Variants in MSI2 observed in about 807,000 individuals in gnomAD.
MSI2 encodes the protein musashi RNA binding protein 2, also known as RNA-binding protein Musashi homolog 2.
MSI2 carries 17 observed loss-of-function variants against 45.6 expected under a neutral mutation model. That is an observed-to-expected ratio of 0.37 (90% CI 0.26 to 0.56). MSI2 has a LOEUF of 0.56. Among genes scored for constraint, MSI2 ranks in the 20% least tolerant of loss-of-function variants. The pLI, the probability that MSI2 is intolerant of heterozygous loss-of-function variation, is 0.77. For synonymous variants in MSI2, 156 were observed against 158.2 expected (o/e 0.99, Z 0.11); for missense variants, 293 against 444.2 (o/e 0.66, Z 3.06).
At chr17:57,340,713 A>T (rs1234251205) in intron 5 of MSI2, among the ~76,000 whole-genome samples, 1 of 152,096 alleles carries the variant, frequency 6.6e-6, no homozygotes, top group Non-Finnish European at 1.5e-5. Context: ...TTGAGTCTTG[A>T]TTGGGATAGA....
chr17:57,300,598 A>C (rs989525319), intron 5 of MSI2, among the ~76,000 whole-genome samples: 7 of 152,210 alleles, frequency 4.6e-5, no homozygotes, highest in Non-Finnish European at 1.0e-4. Context: ...TGATGTATTC[A>C]TGGGTGTATT....
At chr17:57,631,847 T>C in intron 10 of MSI2, 17 of 1,613,076 alleles carry the variant, frequency 1.1e-5, no homozygotes, top group Admixed American at 1.7e-5. Flanking sequence ...AAGAGAGGCA[T>C]AGCAAAGTGG....
At chr17:57,468,276 C>G (rs1306354503) in intron 6 of MSI2, among the ~76,000 whole-genome samples, 2 of 151,416 alleles carry the variant, frequency 1.3e-5, no homozygotes, top group Admixed American at 1.3e-4. Flanking sequence ...CCTGTAATCC[C>G]AGCACTTTGG....
chr17:57,678,734 A>C (rs1000581094), intron 13 of MSI2, among the ~76,000 whole-genome samples: 1 of 152,226 alleles, frequency 6.6e-6, no homozygotes, highest in Non-Finnish European at 1.5e-5. Context: ...ATCTAAGTCT[A>C]GGACTCAATT....
intron 5 of MSI2, chr17:57,268,517 C>T (rs1387589701): frequency 6.7e-6 from 1 of 149,342 alleles, no homozygotes; most frequent in Non-Finnish European, 1.5e-5. Context: ...CCATTGGACA[C>T]AAGCATATTT....
chr17:57,497,494 G>A (rs2086004397), intron 6 of MSI2, among the ~76,000 whole-genome samples: 1 of 152,212 alleles, frequency 6.6e-6, no homozygotes, highest in Non-Finnish European at 1.5e-5. Context: ...AGCTGCGCTT[G>A]TTTGGGAACA....
intron 7 of MSI2, among the ~76,000 whole-genome samples, chr17:57,541,918 G>A (rs1052959215): frequency 9.2e-5 from 14 of 152,064 alleles, no homozygotes; most frequent in African/African-American, 3.1e-4. Flanking sequence ...TGGTGCCTGC[G>A]TTCTAGCACC....
intron 5 of MSI2, among the ~76,000 whole-genome samples, chr17:57,378,980 G>GC: frequency 6.6e-6 from 1 of 152,244 alleles, no homozygotes; most frequent in African/African-American, 2.4e-5. Context: ...CCATCAGCCT[G>GC]CGTGTGGGGT....
chr17:57,391,051 T>C (rs2083781713), intron 5 of MSI2, among the ~76,000 whole-genome samples: 1 of 152,224 alleles, frequency 6.6e-6, no homozygotes, highest in South Asian at 2.1e-4. Context: ...GCTACCCAGA[T>C]AAATGGAAAT....
At chr17:57,699,149 GA>G in the MSI2 span, among the ~76,000 whole-genome samples, 1,986 of 22,070 alleles carry the variant, frequency 0.09, 426 homozygotes, top group African/African-American at 0.32. Flanking sequence ...AAGAGGCGAG[GA>G]GAGAGAGAGA....
At chr17:57,344,860 C>T (rs981698612) in intron 5 of MSI2, among the ~76,000 whole-genome samples, 2 of 152,102 alleles carry the variant, frequency 1.3e-5, no homozygotes, top group Non-Finnish European at 2.9e-5. Flanking sequence ...GTCAGGAGTT[C>T]GAGACCAGCC....
chr17:57,602,557 T>C (rs1391321099), intron 8 of MSI2, among the ~76,000 whole-genome samples: 1 of 152,186 alleles, frequency 6.6e-6, no homozygotes, highest in East Asian at 1.9e-4. Flanking sequence ...TGTTTCACCA[T>C]GTTGGCCAGG....
At chr17:57,499,562 A>G (rs887940024) in intron 6 of MSI2, among the ~76,000 whole-genome samples, 3 of 152,212 alleles carry the variant, frequency 2.0e-5, no homozygotes, top group Non-Finnish European at 4.4e-5. Flanking sequence ...GTTTTTATAT[A>G]TGTGGTGTTC....
chr17:57,512,867 A>C (rs772048183), intron 6 of MSI2, among the ~76,000 whole-genome samples: 2 of 152,022 alleles, frequency 1.3e-5, no homozygotes, highest in Non-Finnish European at 1.5e-5. Context: ...CATGAACAAT[A>C]CTAGATCTTC....
intron 9 of MSI2, among the ~76,000 whole-genome samples, chr17:57,620,563 T>G (rs1332704639): frequency 6.6e-6 from 1 of 152,178 alleles, no homozygotes; most frequent in African/African-American, 2.4e-5. Flanking sequence ...CACTTGGACT[T>G]CCTTACCACC....
chr17:57,382,785 CA>C (rs1242861640), intron 5 of MSI2, among the ~76,000 whole-genome samples: 1 of 152,208 alleles, frequency 6.6e-6, no homozygotes, highest in African/African-American at 2.4e-5. Context: ...TATTAAAGGA[CA>C]GTTAAAACTA....
intron 6 of MSI2, among the ~76,000 whole-genome samples, chr17:57,467,460 T>C (rs2085349413): frequency 6.6e-6 from 1 of 151,958 alleles, no homozygotes; most frequent in Non-Finnish European, 1.5e-5. Context: ...GACGGATAGA[T>C]GATAGATGGA....
At chr17:57,572,525 A>G (rs2087904837) in intron 7 of MSI2, among the ~76,000 whole-genome samples, 1 of 152,178 alleles carries the variant, frequency 6.6e-6, no homozygotes, top group Admixed American at 6.5e-5. Context: ...TGAATTCAAG[A>G]TATTCTGTGT....
At chr17:57,419,378 T>G (rs2084354366) in intron 6 of MSI2, among the ~76,000 whole-genome samples, 1 of 151,752 alleles carries the variant, frequency 6.6e-6, no homozygotes, top group South Asian at 2.1e-4. Flanking sequence ...TTTTTTTTTT[T>G]TTGAGATGGA....
Sources: gnomAD v4.1 joint callset for allele counts (sites outside exome capture counted in the v4.1 genomes callset) on GRCh38, gnomAD v4.1.1 for gene constraint, MANE v1.5 for transcripts, NCBI Gene and HGNC (gene_info 2026-07-23, HGNC 2026-07-21) for gene names.